Variants in TRAM1 observed in about 807,000 individuals in gnomAD.
TRAM1 encodes translocating chain-associated membrane protein 1.
TRAM1 carries 17 observed loss-of-function variants against 48.7 expected under a neutral mutation model. That is an observed-to-expected ratio of 0.35 (90% CI 0.24 to 0.52). The LOEUF (loss-of-function observed/expected upper bound fraction) is 0.52, where lower values mean the gene tolerates loss of function less well. Ranked by LOEUF, TRAM1 falls within the 20% of genes least tolerant of loss-of-function variation. The pLI, the probability that TRAM1 is intolerant of heterozygous loss-of-function variation, is 0.94. For missense variants in TRAM1, 351 were observed against 441.5 expected, an observed-to-expected ratio of 0.79 and a Z score of 1.84; for synonymous variants, 182 against 154.0, an observed-to-expected ratio of 1.18 and a Z score of -1.34.
intron 1 of TRAM1, among the ~76,000 whole-genome samples, chr8:70,606,199 G>GT (rs904034918): frequency 2.4e-4 from 37 of 151,934 alleles, no homozygotes; most frequent in Non-Finnish European, 3.8e-4. Flanking sequence ...TTAACATTGG[G>GT]TTTTTTTTGA....
chr8:70,607,930 A>G, intron 1 of TRAM1, 147 bp downstream of exon 1: 1 of 966,656 alleles, frequency 1.0e-6, no homozygotes, highest in Non-Finnish European at 1.4e-6. Flanking sequence ...AGGGCAGGGA[A>G]GGCCTGCACC....
At chr8:70,598,555 G>C (rs1303227510) in intron 2 of TRAM1, among the ~76,000 whole-genome samples, 1 of 152,068 alleles carries the variant, frequency 6.6e-6, no homozygotes, top group Non-Finnish European at 1.5e-5. Context: ...TATTATCCCA[G>C]GGGTATAAAT....
At chr8:70,589,148 C>G (rs1251226499) in intron 6 of TRAM1, among the ~76,000 whole-genome samples, 1 of 152,172 alleles carries the variant, frequency 6.6e-6, no homozygotes, top group Admixed American at 6.5e-5. Flanking sequence ...GAACATAAGA[C>G]AGTCTGAATA....
intron 2 of TRAM1, among the ~76,000 whole-genome samples, chr8:70,599,514 C>T (rs1346740018): frequency 1.2e-4 from 18 of 152,116 alleles, no homozygotes; most frequent in Admixed American, 1.2e-3. Flanking sequence ...AGTTTGGATG[C>T]TATTACCAGA....
At chr8:70,602,695 C>T (rs929417026) in intron 1 of TRAM1, among the ~76,000 whole-genome samples, 14 of 152,132 alleles carry the variant, frequency 9.2e-5, no homozygotes, top group Admixed American at 6.5e-4. Flanking sequence ...AAAAAGATAC[C>T]GGATGCGAAT....
Position 70,573,408 on chromosome 8 carries a change from A to AAT in TRAM1, c.*1523_*1524insAT, listed in dbSNP as rs1563376418. ...GAGGTTATATACCAAAATAGCCTAA[A>AAT]CACCAACAATGACAGAAACATCCAG... is the stretch of plus-strand genomic sequence containing the variant. On this transcript the variant is annotated 3_prime_UTR_variant, in exon 11 of 11. Coordinates refer to ENST00000262213, the MANE Select transcript of TRAM1 (RefSeq NM_014294.6). 6.6e-6 allele frequency: 1 copy of AAT among 152,482 alleles called. No homozygotes were observed. Among genetic ancestry groups the AAT allele is most frequent in the Non-Finnish European group, 1.5e-5 (1 of 68,018 alleles). 9.4% of individuals were successfully genotyped at this position (152,482 alleles called of 1,614,324 possible).
In TRAM1 at chr8:70,574,209, A is replaced by T. The variant is rs1816890916; in HGVS notation, c.*723T>A. On this transcript the variant is annotated 3_prime_UTR_variant, in exon 11 of 11. Transcript: ENST00000262213. ...TATGTCAGATTTTCCTGTTCATAGT[A>T]AATATTTTCTGATTTCCAGTTTACA... is the stretch of plus-strand genomic sequence containing the variant. The T allele has an allele frequency of 2.4e-6, 1 of 408,884 alleles. No individual in the cohort carries two copies. The highest frequency in any genetic ancestry group is 1.8e-5 in the South Asian group (1 of 54,826). The allele number at this position is 408,884 out of a possible 1,614,324, so 25.3% of individuals were successfully genotyped here.
intron 4 of TRAM1, among the ~76,000 whole-genome samples, chr8:70,597,668 C>CAAAAAAAAA (rs35449323): frequency 2.8e-5 from 1 of 35,996 alleles, no homozygotes; most frequent in East Asian, 1.0e-3. Context: ...GACTCTGTCT[C>CAAAAAAAAA]AAAAAAAAAA....
intron 1 of TRAM1, among the ~76,000 whole-genome samples, chr8:70,601,604 T>C (rs1192796473): frequency 6.6e-6 from 1 of 152,200 alleles, no homozygotes; most frequent in Non-Finnish European, 1.5e-5. Context: ...ACATATTAGG[T>C]AATTAATCAA....
intron 9 of TRAM1, 36 bp downstream of exon 9, chr8:70,583,614 C>T (rs746788473): frequency 4.4e-6 from 7 of 1,595,432 alleles, no homozygotes; most frequent in Non-Finnish European, 6.0e-6. Flanking sequence ...TATTATCTAG[C>T]TGTATAAAGT....
intron 1 of TRAM1, chr8:70,607,488 AGTCGAAAGCAGAT>A (rs1817765696): frequency 1.0e-6 from 1 of 985,362 alleles, no homozygotes; most frequent in Admixed American, 6.1e-5. Context: ...CCGCCCTTCA[AGTCGAAAGCAGAT>A]GCCTGACTCC....
chr8:70,587,862 C>T (rs1817261265), intron 6 of TRAM1, among the ~76,000 whole-genome samples: 2 of 151,982 alleles, frequency 1.3e-5, no homozygotes, highest in African/African-American at 4.8e-5. Context: ...TTTTTTCTCC[C>T]ACAGTTATCT....
Position 70,594,529 on chromosome 8 carries a change from G to A in TRAM1, c.547C>T (p.Leu183Phe), listed in dbSNP as rs768684595. ...LAYWLHAFPE[L>F]YFQKTKKEDI... Reference sequence around the variant, plus strand: ...ACTTTTTTGGTTTTCTGGAAGTAGAGTTCAGGAAAAGCATGAAGCCAGTAA... The same window carrying A: ...ACTTTTTTGGTTTTCTGGAAGTAGAATTCAGGAAAAGCATGAAGCCAGTAA... Residue 183 changes from leucine (L) to phenylalanine (F), a missense_variant, in exon 6 of 11, where the codon CTC becomes TTC. Transcript: ENST00000262213. The A allele has an allele frequency of 1.2e-6, 2 of 1,601,994 alleles. No individual in the cohort carries two copies. The highest frequency in any genetic ancestry group is 1.1e-5 in the South Asian group (1 of 89,012).
Position 70,608,354 on chromosome 8 carries a change from G to T in TRAM1, c.-155C>A. On this transcript the variant is annotated 5_prime_UTR_variant, in exon 1 of 11. The change creates a new upstream start codon in the 5' untranslated region. Transcript: ENST00000262213. The stretch of plus-strand genomic sequence containing the variant: ...CTTCCCATCCCACAGCCAGTACGCA[G>T]CCGCCGGGCCGCCCGGGGGAAAAAA... 1 of 787,214 alleles carries T rather than the reference G, an allele frequency of 1.3e-6. No homozygotes were observed. The highest frequency in any genetic ancestry group is 1.7e-6 in the Non-Finnish European group (1 of 582,450). 48.8% of individuals were successfully genotyped at this position (787,214 alleles called of 1,614,324 possible). A position where few individuals can be genotyped will look rare whatever the true frequency, so the allele number is the denominator to read the frequency against.
chr8:70,575,390 G>A (rs999242501), intron 10 of TRAM1, among the ~76,000 whole-genome samples: 1 of 152,144 alleles, frequency 6.6e-6, no homozygotes, highest in African/African-American at 2.4e-5. Flanking sequence ...TCTATGTGGA[G>A]GCGTGTATTA....
chr8:70,597,083 A>G (rs1440018282), intron 4 of TRAM1, among the ~76,000 whole-genome samples: 1 of 152,186 alleles, frequency 6.6e-6, no homozygotes, highest in African/African-American at 2.4e-5. Flanking sequence ...TCTCTAATAC[A>G]GTGATTAGAA....
At chr8:70,581,890 T>G (rs1163733924) in intron 10 of TRAM1, among the ~76,000 whole-genome samples, 2 of 152,194 alleles carry the variant, frequency 1.3e-5, no homozygotes, top group African/African-American at 4.8e-5. Context: ...TCTGTTTACA[T>G]GAAATGTCCA....
At position 70,608,398 on chromosome 8, in the gene TRAM1, C is replaced by T; in HGVS notation, c.-199G>A. On this transcript the variant is annotated 5_prime_UTR_variant, in exon 1 of 11. Coordinates refer to ENST00000262213, the MANE Select transcript of TRAM1 (RefSeq NM_014294.6). Reference sequence around the variant, plus strand: ...GAAAAAAAAAAACACAACAGCTAGCCCGCAGCGGGGGCGAGCATGCGCACC... The same window carrying T: ...GAAAAAAAAAAACACAACAGCTAGCTCGCAGCGGGGGCGAGCATGCGCACC... 1 of 499,810 alleles carries T rather than the reference C, an allele frequency of 2.0e-6. No individual in the cohort carries two copies. The allele number at this position is 499,810 out of a possible 1,614,324, so 31.0% of individuals were successfully genotyped here. A position where few individuals can be genotyped will look rare whatever the true frequency, so the allele number is the denominator to read the frequency against.
chr8:70,606,877 C>T, intron 1 of TRAM1: 2 of 984,316 alleles, frequency 2.0e-6, no homozygotes, highest in South Asian at 9.4e-5. Flanking sequence ...ATGTATTCAC[C>T]TTTTGGTCAC....
Sources: allele counts gnomAD v4.1 joint callset (sites outside exome capture counted in the v4.1 genomes callset), GRCh38; gene constraint gnomAD v4.1.1; transcripts MANE v1.5; gene names NCBI Gene and HGNC (gene_info 2026-07-23, HGNC 2026-07-21).